The following RGPD3 variants were observed in gnomAD, a reference collection of about 807,000 sequenced individuals.
RGPD3 encodes ranBP2-like and GRIP domain-containing protein 3.
A neutral mutation model predicts 154.5 loss-of-function variants in RGPD3; 62 were observed. That is an observed-to-expected ratio of 0.40 (90% CI 0.33 to 0.50). The LOEUF (loss-of-function observed/expected upper bound fraction) is 0.50, where lower values mean the gene tolerates loss of function less well. Among genes scored for constraint, RGPD3 ranks in the 20% least tolerant of loss-of-function variants. The pLI is 0.59. For missense variants in RGPD3, 919 were observed against 1,716.8 expected, an observed-to-expected ratio of 0.54 and a Z score of 8.21; for synonymous variants, 308 against 607.0, an observed-to-expected ratio of 0.51 and a Z score of 7.24.
At chr2:106,426,666 G>C (rs1677206622) in intron 18 of RGPD3, among the ~76,000 whole-genome samples, 1 of 152,128 alleles carries the variant, frequency 6.6e-6, no homozygotes, top group Non-Finnish European at 1.5e-5. Context: ...TGCTCCCTCT[G>C]TTTGGTCTGT....
chr2:106,434,207 A>C (rs776823358), intron 15 of RGPD3, 21 bp downstream of exon 15: 3 of 1,588,392 alleles, frequency 1.9e-6, no homozygotes, highest in Non-Finnish European at 2.6e-6. Context: ...AAGAACGTAC[A>C]TACAACAACC....
In RGPD3 at chr2:106,405,175, C is replaced by A; in HGVS notation, c.*44G>T. 6.2e-7 allele frequency: 1 copy of A among 1,606,974 alleles called. No individual in the cohort carries two copies. Among genetic ancestry groups the A allele is most frequent in the Non-Finnish European group, 8.5e-7 (1 of 1,177,760 alleles). On this transcript the variant is annotated 3_prime_UTR_variant, in exon 23 of 23. Coordinates refer to ENST00000409886, the MANE Select transcript of RGPD3 (RefSeq NM_001144013.2). ...TCCATCAACCTATCGAAGTCCAAACCAACTACGAAGATAGGATGCCCATCC... is the reference window on the plus strand; with the variant it reads ...TCCATCAACCTATCGAAGTCCAAACAAACTACGAAGATAGGATGCCCATCC...
At chr2:106,470,407 A>T (rs1277113307), upstream of RGPD3, among the ~76,000 whole-genome samples, 1 of 152,236 alleles carries the variant, frequency 6.6e-6, no homozygotes, top group Non-Finnish European at 1.5e-5. Flanking sequence ...GAAGACTGAC[A>T]TGTCTCTCAG....
At chr2:106,462,809 C>T (rs1678444239) in intron 1 of RGPD3, among the ~76,000 whole-genome samples, 1 of 151,326 alleles carries the variant, frequency 6.6e-6, no homozygotes, top group South Asian at 2.1e-4. Context: ...CTGATCAGCT[C>T]CAAATCTGTG....
rs6718521 is a variant in RGPD3, at chr2:106,468,283, A to G, written c.6T>C (p.Ser2=). The G allele has an allele frequency of 0.31, 495,482 of 1,595,250 alleles. 74,108 individuals carry two copies. The highest frequency in any genetic ancestry group is 0.82 in the East Asian group (35,976 of 44,114). Residue 2 remains serine (S), a synonymous_variant, in exon 1 of 23, where the codon AGT becomes AGC. Coordinates refer to ENST00000409886, the MANE Select transcript of RGPD3 (RefSeq NM_001144013.2). ...ACCGCTCCCCGTAGGCCTTGCTGCA[A>G]CTCATCGCGCCACCAACCTGGCTCC... is the stretch of plus-strand genomic sequence containing the variant. The part of the protein sequence containing the change: M[S]CSKAYGERYV...
intron 22 of RGPD3, among the ~76,000 whole-genome samples, chr2:106,410,317 A>G (rs1676632615): frequency 6.6e-6 from 1 of 152,174 alleles, no homozygotes; most frequent in Admixed American, 6.5e-5. Flanking sequence ...GGGCAAACTA[A>G]TTTAAATGTG....
At position 106,424,718 on chromosome 2, in the gene RGPD3, C is replaced by A. The variant is rs1677131467; in HGVS notation, c.3249G>T (p.Gly1083=). The part of the protein sequence containing the change: ...EVSQWKERGL[G]NLKILKNEVN... ...CCTCGTTTTTGAGAATTTTTAAGTT[C>A]CCCAAGCCCCTTTCTTTCCACTGAC... Residue 1083 remains glycine (G), a synonymous_variant, in exon 20 of 23, where the codon GGG becomes GGT. Transcript: ENST00000409886. The A allele has an allele frequency of 1.9e-6, 3 of 1,611,950 alleles. No individual in the cohort carries two copies. The highest frequency in any genetic ancestry group is 2.5e-6 in the Non-Finnish European group (3 of 1,179,836).
intron 1 of RGPD3, among the ~76,000 whole-genome samples, chr2:106,465,186 T>C (rs989080482): frequency 1.3e-5 from 2 of 151,072 alleles, no homozygotes; most frequent in African/African-American, 4.9e-5. Context: ...AACCTCTTCA[T>C]ATTCTTCACA....
In RGPD3 at chr2:106,424,507, G is replaced by A. The variant is rs193124838; in HGVS notation, c.3460C>T (p.Pro1154Ser). Residue 1154 changes from proline (P) to serine (S), a missense_variant, in exon 20 of 23, where the codon CCA becomes TCA. Transcript: ENST00000409886. ...TGCTTGAATTCTTCAGCCAGCTCTG[G>A]TGTTTTAAATTTTGCTGCCAATCGC... ...LERLAAKFKT[P>S]ELAEEFKQKF... The A allele has an allele frequency of 0.017, 27,061 of 1,606,092 alleles. 683 individuals carry two copies. Among genetic ancestry groups the A allele is most frequent in the Non-Finnish European group, 0.019 (22,119 of 1,178,844 alleles).
chr2:106,410,746 A>G (rs1676645913), intron 22 of RGPD3, among the ~76,000 whole-genome samples: 1 of 152,014 alleles, frequency 6.6e-6, no homozygotes, highest in South Asian at 2.1e-4. Context: ...CTTCTTTTTT[A>G]TAACTATAAA....
At chr2:106,455,553 C>T (rs1678222103) in intron 4 of RGPD3, among the ~76,000 whole-genome samples, 2 of 39,954 alleles carry the variant, frequency 5.0e-5, no homozygotes. Flanking sequence ...GGCAGTGGGC[C>T]GAGATTGCGC....
At position 106,429,441 on chromosome 2, in the gene RGPD3, G is replaced by A. The variant is rs1303597001; in HGVS notation, c.2605+205C>T. ...GTGTTCTTTAAGCCTTTATATACACGTGATCACATACGGCTCGTTTTTTCT... is the reference window on the plus strand; with the variant it reads ...GTGTTCTTTAAGCCTTTATATACACATGATCACATACGGCTCGTTTTTTCT... On this transcript the variant is annotated intron_variant, in intron 18 of 22. Coordinates refer to ENST00000409886, the MANE Select transcript of RGPD3 (RefSeq NM_001144013.2). Among the ~76,000 whole-genome samples the A allele has an allele frequency of 6.6e-5, 10 of 150,744 alleles. No individual in the cohort carries two copies. The East Asian group carries it at 1.2e-3, about 18-fold the overall frequency.
chr2:106,432,444 C>T (rs1573264352), intron 17 of RGPD3, among the ~76,000 whole-genome samples: 1 of 144,224 alleles, frequency 6.9e-6, no homozygotes, highest in Non-Finnish European at 1.5e-5. Flanking sequence ...CAGAGCGAGC[C>T]TCTGTCTCAA....
At chr2:106,463,453 C>G (rs1476050399) in intron 1 of RGPD3, among the ~76,000 whole-genome samples, 3 of 151,522 alleles carry the variant, frequency 2.0e-5, no homozygotes, top group Non-Finnish European at 4.4e-5. Flanking sequence ...CCAGCCTGGG[C>G]AACAGAGCAA....
At chr2:106,470,257 G>A (rs1397001801), upstream of RGPD3, among the ~76,000 whole-genome samples, 2 of 152,220 alleles carry the variant, frequency 1.3e-5, no homozygotes, top group African/African-American at 4.8e-5. Context: ...GAGTCCTTAT[G>A]ACTAGGAGAT....
At chr2:106,468,560 C>A (rs1678725179), upstream of RGPD3, among the ~76,000 whole-genome samples, 1 of 152,160 alleles carries the variant, frequency 6.6e-6, no homozygotes, top group African/African-American at 2.4e-5. Context: ...AATCCCAACA[C>A]TTTGGGAGGC....
chr2:106,434,179 G>C, intron 15 of RGPD3, 49 bp downstream of exon 15: 1 of 1,593,782 alleles, frequency 6.3e-7, no homozygotes, highest in Admixed American at 1.7e-5. Flanking sequence ...CAAAAACACT[G>C]ACCAGTGGGT....
At chr2:106,470,876 C>A, upstream of RGPD3, 1 of 1,599,146 alleles carries the variant, frequency 6.3e-7, no homozygotes. Context: ...TGGGCCGAGG[C>A]ATTGTGTTGG....
Position 106,436,152 on chromosome 2 carries a change from C to G in RGPD3, c.1729G>C (p.Val577Leu), listed in dbSNP as rs555633247. 3,103 of 1,609,606 alleles carry G rather than the reference C, an allele frequency of 1.9e-3. 42 individuals carry two copies. In the African/African-American group the frequency reaches 0.034, roughly 18 times the overall value. ...TTCTGAAGGCATTTTGCCCAATGTA[C>G]AAGCAGAGCAGGTTGAAGGCCATGT... ...EKHGLQPALL[V>L]HWAKCLQKMG... Residue 577 changes from valine (V) to leucine (L), a missense_variant, in exon 12 of 23, where the codon GTA becomes CTA. Coordinates refer to ENST00000409886, the MANE Select transcript of RGPD3 (RefSeq NM_001144013.2).
Sources: allele counts gnomAD v4.1 joint callset (sites outside exome capture counted in the v4.1 genomes callset), GRCh38; gene constraint gnomAD v4.1.1; transcripts MANE v1.5; gene names NCBI Gene and HGNC (gene_info 2026-07-23, HGNC 2026-07-21).